The following PRIMA1 variants were observed in gnomAD, a reference collection of about 807,000 sequenced individuals.
The protein encoded by PRIMA1 is proline-rich membrane anchor 1.
A neutral mutation model predicts 17.5 loss-of-function variants in PRIMA1; 7 were observed. That is an observed-to-expected ratio of 0.40 (90% CI 0.23 to 0.75). PRIMA1 has a LOEUF of 0.75. Among genes scored for constraint, PRIMA1 ranks in the 30% least tolerant of loss-of-function variants. The probability of loss-of-function intolerance (pLI) is 0.37; values close to 1 mark genes in which losing one functional copy is unlikely to be tolerated. For synonymous variants in PRIMA1, 97 were observed against 77.9 expected, an observed-to-expected ratio of 1.25 and a Z score of -1.29; for missense variants, 200 against 201.8, an observed-to-expected ratio of 0.99 and a Z score of 0.05.
chr14:93,775,831 G>A (rs766733862), intron 3 of PRIMA1, among the ~76,000 whole-genome samples: 1 of 152,108 alleles, frequency 6.6e-6, no homozygotes, highest in African/African-American at 2.4e-5. Context: ...CCTTCTATTC[G>A]GATTTTCCTT....
intron 3 of PRIMA1, among the ~76,000 whole-genome samples, chr14:93,766,630 G>A (rs2141183885): frequency 6.6e-6 from 1 of 152,322 alleles, no homozygotes; most frequent in South Asian, 2.1e-4. Flanking sequence ...GGCCTCACAT[G>A]CAGCATGACA....
rs1347276091 is a variant in PRIMA1, at chr14:93,719,427, C to T, written c.*2017G>A. 6.6e-6 allele frequency: 1 copy of T among 152,116 alleles called. No homozygotes were observed. Among genetic ancestry groups the T allele is most frequent in the Non-Finnish European group, 1.5e-5 (1 of 68,120 alleles). The allele number at this position is 152,116 out of a possible 1,614,324, so 9.4% of individuals were successfully genotyped here. On this transcript the variant is annotated 3_prime_UTR_variant, in exon 5 of 5. Coordinates refer to ENST00000393140, the MANE Select transcript of PRIMA1 (RefSeq NM_178013.4). ...TCCATGGTCCCTTAGCCAGGAACCT[C>T]CCCTCTTAGAGAAGGTGCCCTCTGA...
At chr14:93,744,791 C>G (rs1595200919) in intron 3 of PRIMA1, among the ~76,000 whole-genome samples, 1 of 152,180 alleles carries the variant, frequency 6.6e-6, no homozygotes, top group East Asian at 1.9e-4. Flanking sequence ...GCAGGAAGCT[C>G]TTGGCTGCCC....
At chr14:93,772,443 C>CGT (rs1161779463) in intron 3 of PRIMA1, among the ~76,000 whole-genome samples, 4 of 152,244 alleles carry the variant, frequency 2.6e-5, no homozygotes, top group Non-Finnish European at 4.4e-5. Context: ...TCACAGAGGG[C>CGT]GTGTGTGTGC....
At chr14:93,731,333 G>A (rs2076113415) in intron 4 of PRIMA1, among the ~76,000 whole-genome samples, 1 of 152,176 alleles carries the variant, frequency 6.6e-6, no homozygotes, top group Admixed American at 6.5e-5. Context: ...ACATCACTTA[G>A]CATATGGAGA....
At chr14:93,781,081 C>T (rs1056456536) in intron 2 of PRIMA1, among the ~76,000 whole-genome samples, 6 of 152,174 alleles carry the variant, frequency 3.9e-5, no homozygotes, top group Non-Finnish European at 5.9e-5. Context: ...GGGGTGGCAG[C>T]GGGAAGTGAG....
At chr14:93,738,920 AT>A (rs371342336) in intron 3 of PRIMA1, among the ~76,000 whole-genome samples, 5 of 151,894 alleles carry the variant, frequency 3.3e-5, no homozygotes, top group African/African-American at 1.2e-4. Flanking sequence ...TGCAGTGTGT[AT>A]TTTTTTTGTT....
intron 3 of PRIMA1, among the ~76,000 whole-genome samples, chr14:93,777,313 C>T (rs1885247231): frequency 5.3e-5 from 8 of 151,472 alleles, no homozygotes; most frequent in Admixed American, 5.3e-4. Flanking sequence ...TTCCCCCAAC[C>T]TGATTAGCAA....
At chr14:93,742,298 C>T (rs1018278283) in intron 3 of PRIMA1, among the ~76,000 whole-genome samples, 1 of 152,200 alleles carries the variant, frequency 6.6e-6, no homozygotes, top group Non-Finnish European at 1.5e-5. Context: ...AGAGAGAATC[C>T]GCAGGGCCTG....
intron 4 of PRIMA1, among the ~76,000 whole-genome samples, chr14:93,735,555 T>C (rs1270369541): frequency 6.6e-6 from 1 of 152,170 alleles, no homozygotes; most frequent in Admixed American, 6.5e-5. Context: ...TGGAGCAGCC[T>C]GTAGGCACAG....
chr14:93,718,831 A>G lies in PRIMA1; in HGVS notation c.*2613T>C, dbSNP rs984782811. 7 of 152,496 alleles carry G rather than the reference A, an allele frequency of 4.6e-5. No individual in the cohort carries two copies. 9.4% of individuals were successfully genotyped at this position (152,496 alleles called of 1,614,324 possible). ...ACTGTGAGACGGCTGGAAAAGATCT[A>G]TTTGAGAAAATGAGAAGGGAAGTGC... On this transcript the variant is annotated 3_prime_UTR_variant, in exon 5 of 5. Transcript: ENST00000393140.
chr14:93,739,054 TTTC>T (rs1179749383), intron 3 of PRIMA1, among the ~76,000 whole-genome samples: 3 of 151,916 alleles, frequency 2.0e-5, no homozygotes, highest in African/African-American at 4.8e-5. Flanking sequence ...TTGTTTTTTC[TTTC>T]TTTTTTTTTT....
chr14:93,729,728 A>G (rs1241087680), intron 4 of PRIMA1, among the ~76,000 whole-genome samples: 1 of 152,188 alleles, frequency 6.6e-6, no homozygotes, highest in South Asian at 2.1e-4. Flanking sequence ...GCGGGGAGGA[A>G]GAAGAGGAGG....
At chr14:93,775,891 G>A (rs12880097) in intron 3 of PRIMA1, among the ~76,000 whole-genome samples, 1 of 151,980 alleles carries the variant, frequency 6.6e-6, no homozygotes, top group East Asian at 1.9e-4. Flanking sequence ...CAACTCCAGG[G>A]GTGGTCACAT....
chr14:93,736,090 C>G (rs1055872280), intron 4 of PRIMA1, among the ~76,000 whole-genome samples: 1 of 152,212 alleles, frequency 6.6e-6, no homozygotes, highest in Non-Finnish European at 1.5e-5. Flanking sequence ...GAAGCACAGA[C>G]GGACCTCACC....
At chr14:93,783,791 C>A (rs927589156) in intron 2 of PRIMA1, among the ~76,000 whole-genome samples, 3 of 152,232 alleles carry the variant, frequency 2.0e-5, no homozygotes, top group African/African-American at 7.2e-5. Context: ...CTGGAGTCCC[C>A]TGGATTTGGT....
chr14:93,782,125 G>A lies in PRIMA1; in HGVS notation c.94-2814C>T, dbSNP rs550000937. 1.8e-4 allele frequency among the ~76,000 whole-genome samples: 27 copies of A among 152,176 alleles called. No homozygotes were observed. The East Asian group carries it at 2.1e-3, about 12-fold the overall frequency. Reference sequence around the variant, plus strand: ...TACTAAAAATACAGAAAAATTAGCCGGGCGTGGCGGTGGGCACCTGTAGTC... The same window carrying A: ...TACTAAAAATACAGAAAAATTAGCCAGGCGTGGCGGTGGGCACCTGTAGTC... On this transcript the variant is annotated intron_variant, in intron 2 of 4. Coordinates refer to ENST00000393140, the MANE Select transcript of PRIMA1 (RefSeq NM_178013.4).
chr14:93,744,039 G>A (rs1259839707), intron 3 of PRIMA1, among the ~76,000 whole-genome samples: 1 of 152,222 alleles, frequency 6.6e-6, no homozygotes, highest in Non-Finnish European at 1.5e-5. Flanking sequence ...AAAGATTTGT[G>A]TGATGCAGAG....
At chr14:93,722,984 G>A (rs2141148782) in intron 4 of PRIMA1, among the ~76,000 whole-genome samples, 1 of 152,158 alleles carries the variant, frequency 6.6e-6, no homozygotes, top group African/African-American at 2.4e-5. Context: ...AGGAAGGCTG[G>A]GAGGGAGGCT....
Sources: allele counts gnomAD v4.1 joint callset (sites outside exome capture counted in the v4.1 genomes callset), GRCh38; gene constraint gnomAD v4.1.1; transcripts MANE v1.5; gene names NCBI Gene and HGNC (gene_info 2026-07-23, HGNC 2026-07-21).